Variants in TASOR2 observed in about 807,000 individuals in gnomAD.
The protein encoded by TASOR2 is transcription activation suppressor family member 2.
Under a neutral mutation model 199.5 loss-of-function variants are expected in TASOR2, and 84 were observed. The ratio of observed to expected loss-of-function variants is 0.42; its 90% CI spans 0.35 to 0.50. The LOEUF (loss-of-function observed/expected upper bound fraction) is 0.50. TASOR2 is among the 20% of genes least tolerant of loss of function. The probability of loss-of-function intolerance (pLI) is 0.02; values close to 1 mark genes in which losing one functional copy is unlikely to be tolerated. For missense variants in TASOR2, 2,796 were observed against 2,835.9 expected (o/e 0.99, Z 0.32); for synonymous variants, 1,103 against 1,046.6 (o/e 1.05, Z -1.04).
At position 5,726,976 on chromosome 10, in the gene TASOR2, G is replaced by C. The variant is rs1834125644; in HGVS notation, c.424+19G>C. The C allele has an allele frequency of 6.8e-6, 11 of 1,613,230 alleles. No homozygotes were observed. The highest frequency in any genetic ancestry group is 8.5e-6 in the Non-Finnish European group (10 of 1,179,634). ...GAACCAGGTATGGAGAACTGTTTTG[G>C]GAAAAAATATTTTTCATTATGTTTA... On this transcript the variant is annotated intron_variant, in intron 9 of 20. Coordinates refer to ENST00000328090, the Ensembl canonical transcript of TASOR2.
intron 11 of TASOR2, 82 bp from the exon 13 acceptor site, chr10:5,735,217 AAAAAC>A (rs1835403350): frequency 4.0e-6 from 6 of 1,504,152 alleles, no homozygotes; most frequent in Admixed American, 2.3e-5. Context: ...TCCCCAAAAT[AAAAAC>A]AAAACAAAAC....
In TASOR2 at chr10:5,722,018, C is replaced by G. The variant is rs1001847443; in HGVS notation, c.146+1048C>G. Among the ~76,000 whole-genome samples the G allele has an allele frequency of 6.6e-6, 1 of 152,168 alleles. No individual in the cohort carries two copies. The highest frequency in any genetic ancestry group is 1.5e-5 in the Non-Finnish European group (1 of 68,040). ...GTGATTACTGAATGCATTGTGGCAT[C>G]TTGGATTGGAAATTGTTTTCTTTTT... On this transcript the variant is annotated intron_variant, in intron 6 of 20. Coordinates refer to ENST00000328090, the Ensembl canonical transcript of TASOR2. This position sits in a 1 kb window ranked among gnomAD's most constrained non-coding sequence, Gnocchi z 4.0.
exon 21 of TASOR2, chr10:5,763,118 C>CA: frequency 7.9e-7 from 1 of 1,262,032 alleles, no homozygotes; most frequent in South Asian, 1.3e-5. Context: ...TGTGAATACA[C>CA]ATGTGAACAG....
intron 10 of TASOR2, among the ~76,000 whole-genome samples, chr10:5,729,241 C>T (rs182251529): frequency 6.6e-6 from 1 of 152,190 alleles, no homozygotes; most frequent in Admixed American, 6.5e-5. Flanking sequence ...TCCAGCTACT[C>T]GGGAGACTGA....
chr10:5,763,115 A>G lies in TASOR2; in HGVS notation c.*83A>G, dbSNP rs1039234466. On this transcript the variant is annotated 3_prime_UTR_variant, in exon 21 of 21. Transcript: ENST00000328090. ...TTGGAAAACTTGTGAACATGTGAATACACATGTGAACAGTCTTACATTTGA... is the reference window on the plus strand; with the variant it reads ...TTGGAAAACTTGTGAACATGTGAATGCACATGTGAACAGTCTTACATTTGA... 1.5e-5 allele frequency: 18 copies of G among 1,227,148 alleles called. No homozygotes were observed. In the Middle Eastern group the frequency reaches 1.3e-3, roughly 91 times the overall value. 76.0% of individuals were successfully genotyped at this position (1,227,148 alleles called of 1,614,324 possible). A position where few individuals can be genotyped will look rare whatever the true frequency, so the allele number is the denominator to read the frequency against.
intron 10 of TASOR2, among the ~76,000 whole-genome samples, chr10:5,727,739 T>C (rs537220694): frequency 6.6e-6 from 1 of 152,304 alleles, no homozygotes; most frequent in African/African-American, 2.4e-5. Context: ...TCGGCTTCAC[T>C]ATCACTTTCT....
intron 16 of TASOR2, 25 bp from the exon 18 acceptor site, chr10:5,757,495 C>G: frequency 6.3e-7 from 1 of 1,581,002 alleles, no homozygotes; most frequent in East Asian, 2.3e-5. Context: ...CCTCTCTTCA[C>G]CGGGGTCCTT....
intron 1 of TASOR2, chr10:5,709,716 T>C: frequency 1.7e-6 from 2 of 1,208,546 alleles, no homozygotes; most frequent in Non-Finnish European, 2.1e-6. Flanking sequence ...CAGAATAGAA[T>C]GATTAAAATG....
rs1281279424 is a variant in TASOR2, at chr10:5,690,409, C to G, written c.-288+5234C>G. 6.6e-6 allele frequency among the ~76,000 whole-genome samples: 1 copy of G among 152,196 alleles called. No individual in the cohort carries two copies. Among genetic ancestry groups the G allele is most frequent in the African/African-American group, 2.4e-5 (1 of 41,428 alleles). ...CCTGTTTAGAACCTTTCATGTACAC[C>G]TGCTCCCTCATTAGGAGAAGGAATA... On this transcript the variant is annotated intron_variant, in intron 1 of 20. Transcript: ENST00000328090. This position sits in a 1 kb window ranked among gnomAD's most constrained non-coding sequence, Gnocchi z 4.8.
intron 6 of TASOR2, among the ~76,000 whole-genome samples, chr10:5,721,523 G>A (rs1833355071): frequency 6.6e-6 from 1 of 151,928 alleles, no homozygotes; most frequent in Admixed American, 6.6e-5. Context: ...AAACTGATGT[G>A]TTGTGAGGAT....
At chr10:5,708,801 A>G (rs897876022) in intron 1 of TASOR2, among the ~76,000 whole-genome samples, 1 of 151,852 alleles carries the variant, frequency 6.6e-6, no homozygotes, top group African/African-American at 2.4e-5. Flanking sequence ...CCCCAGACTC[A>G]AGCCATCGTC....
intron 10 of TASOR2, among the ~76,000 whole-genome samples, chr10:5,728,180 C>T (rs1475369089): frequency 6.7e-6 from 1 of 148,260 alleles, no homozygotes; most frequent in Non-Finnish European, 1.5e-5. Context: ...AAGACTGTGT[C>T]ACTGCCCTCC....
At chr10:5,713,474 T>C (rs190163426) in intron 2 of TASOR2, among the ~76,000 whole-genome samples, 138 of 152,232 alleles carry the variant, frequency 9.1e-4, no homozygotes, top group African/African-American at 3.1e-3. Flanking sequence ...TTTTAAACAA[T>C]ACCAGAGATC....
exon 1 of TASOR2, chr10:5,684,861 A>T (rs554901339): frequency 2.5e-6 from 1 of 394,118 alleles, no homozygotes; most frequent in Admixed American, 4.5e-5. Context: ...AGCGCCGGTC[A>T]GAGAGAAAGT....
intron 19 of TASOR2, among the ~76,000 whole-genome samples, chr10:5,762,015 G>A (rs535484840): frequency 1.1e-4 from 17 of 151,986 alleles, no homozygotes; most frequent in East Asian, 9.7e-4. Flanking sequence ...AGTGGCTCAC[G>A]CCTGTAATGC....
In TASOR2 at chr10:5,742,063, A is replaced by G. The variant is rs1477340035; in HGVS notation, c.2328-34A>G. 6.3e-6 allele frequency: 10 copies of G among 1,583,936 alleles called. No individual in the cohort carries two copies. The Admixed American group carries it at 1.2e-4, about 19-fold the overall frequency. ...TAATCAACTAAAATAACCATTTTCA[A>G]TGATTTTCATGTGTTCTTTCTGTAA... On this transcript the variant is annotated intron_variant, in intron 13 of 20. Coordinates refer to ENST00000328090, the Ensembl canonical transcript of TASOR2. This position sits in a 1 kb window ranked among gnomAD's most constrained non-coding sequence, Gnocchi z 4.2.
chr10:5,748,440 A>G lies in TASOR2; in HGVS notation c.5019A>G (p.Pro1673=). Residue 1673 remains proline (P), a synonymous_variant, in exon 15 of 21, where the codon CCA becomes CCG. Coordinates refer to ENST00000328090, the Ensembl canonical transcript of TASOR2. The surrounding 1 kb of genome is among the most constrained non-coding windows in gnomAD (Gnocchi z 5.1). ...CTACATTAACCCATTATGTAAGACC[A>G]ATAAATGCAGAGCCAGTGTTTCAAG... 3 of 1,614,234 alleles carry G rather than the reference A, an allele frequency of 1.9e-6. No homozygotes were observed. The highest frequency in any genetic ancestry group is 2.5e-6 in the Non-Finnish European group (3 of 1,180,046).
intron 1 of TASOR2, among the ~76,000 whole-genome samples, chr10:5,686,507 G>C (rs576820540): frequency 1.3e-5 from 2 of 152,288 alleles, no homozygotes; most frequent in African/African-American, 4.8e-5. Context: ...ATTATCTCTT[G>C]CTGTTATAAA....
chr10:5,745,373 AGTACAGGGG>A (rs1837041049), intron 14 of TASOR2, among the ~76,000 whole-genome samples: 1 of 152,236 alleles, frequency 6.6e-6, no homozygotes, highest in Non-Finnish European at 1.5e-5. Flanking sequence ...ATGTATTCTG[AGTACAGGGG>A]GTAGTAATTA....
Sources: allele counts gnomAD v4.1 joint callset (sites outside exome capture counted in the v4.1 genomes callset), GRCh38; gene constraint gnomAD v4.1.1; non-coding constraint Gnocchi (gnomAD v3.1); transcripts MANE v1.5; gene names NCBI Gene and HGNC (gene_info 2026-07-23, HGNC 2026-07-21).